Variants in CSMD1 observed in about 807,000 individuals in gnomAD.
CSMD1 encodes CUB and sushi domain-containing protein 1.
In CSMD1, 213 loss-of-function variants were observed where a neutral mutation model predicts 417.5. The ratio of observed to expected loss-of-function variants is 0.51; its 90% confidence interval spans 0.46 to 0.57. The LOEUF (loss-of-function observed/expected upper bound fraction) is 0.57. Among genes scored for constraint, CSMD1 ranks in the 20% least tolerant of loss-of-function variants. CSMD1 has a pLI of 0.00. For missense variants in CSMD1, 6,923 were observed against 4,529.7 expected (o/e 1.53, Z -15.17); for synonymous variants, 2,862 against 1,736.8 (o/e 1.65, Z -16.11).
intron 5 of CSMD1, among the ~76,000 whole-genome samples, chr8:3,941,920 G>C (rs866469558): frequency 1.8e-4 from 28 of 152,206 alleles, no homozygotes; most frequent in Middle Eastern, 3.4e-3. Flanking sequence ...AGCAGGAGGT[G>C]AGCAGTGGGC....
At chr8:3,576,853 T>C (rs1466467440) in intron 9 of CSMD1, among the ~76,000 whole-genome samples, 5 of 152,214 alleles carry the variant, frequency 3.3e-5, no homozygotes, top group African/African-American at 7.2e-5. Flanking sequence ...TTGAAAAAAG[T>C]GATAATAAAC....
rs142935482 is a variant in CSMD1, at chr8:4,266,140, T to C, written c.415+153813A>G. ...TGGAACTGACTTAAAACCACCTTTTTACTTCAGCTACTCATCTACCACCAA... is the reference window on the plus strand; with the variant it reads ...TGGAACTGACTTAAAACCACCTTTTCACTTCAGCTACTCATCTACCACCAA... On this transcript the variant is annotated intron_variant, in intron 3 of 69. Transcript: ENST00000635120. Among the ~76,000 whole-genome samples, 650 of 104,598 alleles carry C rather than the reference T, an allele frequency of 6.2e-3. 107 individuals carry two copies. Among genetic ancestry groups the C allele is most frequent in the African/African-American group, 0.016 (622 of 38,346 alleles). 68.6% of individuals were successfully genotyped at this position (104,598 alleles called of 152,430 possible). A position where few individuals can be genotyped will look rare whatever the true frequency, so the allele number is the denominator to read the frequency against.
chr8:4,819,455 T>C (rs1473234856), intron 1 of CSMD1, among the ~76,000 whole-genome samples: 1 of 152,164 alleles, frequency 6.6e-6, no homozygotes, highest in Non-Finnish European at 1.5e-5. Flanking sequence ...ATAGAAATAT[T>C]ATTGCCAAAT....
intron 12 of CSMD1, among the ~76,000 whole-genome samples, chr8:3,428,177 G>C (rs552678626): frequency 6.6e-6 from 1 of 152,202 alleles, no homozygotes; most frequent in East Asian, 1.9e-4. Context: ...CTATATGGTT[G>C]GGGACCTAAA....
intron 3 of CSMD1, among the ~76,000 whole-genome samples, chr8:4,268,958 T>A (rs989931427): frequency 6.6e-6 from 1 of 152,368 alleles, no homozygotes; most frequent in East Asian, 1.9e-4. Context: ...TTCTGCTGTA[T>A]CCTTTTATTT....
chr8:4,208,851 A>G (rs1248604969), intron 3 of CSMD1, among the ~76,000 whole-genome samples: 14 of 152,210 alleles, frequency 9.2e-5, no homozygotes, highest in Admixed American at 9.2e-4. Flanking sequence ...TTGAGGTAGC[A>G]ATAAGTATCC....
intron 3 of CSMD1, among the ~76,000 whole-genome samples, chr8:4,296,664 A>T (rs1382230506): frequency 6.9e-6 from 1 of 144,956 alleles, no homozygotes; most frequent in Non-Finnish European, 1.5e-5. Context: ...GGAGGTCCCT[A>T]GGCTTGGGTC....
chr8:3,722,498 G>A (rs1310222239), intron 6 of CSMD1, among the ~76,000 whole-genome samples: 1 of 152,144 alleles, frequency 6.6e-6, no homozygotes, highest in Admixed American at 6.5e-5. Flanking sequence ...CTCCTGAAAA[G>A]CAGGGTCTGT....
intron 49 of CSMD1, among the ~76,000 whole-genome samples, chr8:3,083,620 A>T (rs1165598292): frequency 4.2e-4 from 6 of 14,134 alleles, no homozygotes; most frequent in African/African-American, 1.8e-3. Flanking sequence ...TTATATATAT[A>T]TATATATATA....
chr8:4,344,444 C>G (rs1866272), intron 3 of CSMD1, among the ~76,000 whole-genome samples: 28,478 of 151,876 alleles, frequency 0.19, 2,948 homozygotes, highest in Non-Finnish European at 0.23. Flanking sequence ...AACTGAACTG[C>G]TCAAAGATGC....
At chr8:3,221,827 G>C (rs1217445963) in intron 28 of CSMD1, among the ~76,000 whole-genome samples, 1 of 152,082 alleles carries the variant, frequency 6.6e-6, no homozygotes, top group East Asian at 1.9e-4. Flanking sequence ...CCCTGAACGA[G>C]CCTGGGAGCC....
At chr8:3,825,077 T>A (rs1349996864) in intron 5 of CSMD1, among the ~76,000 whole-genome samples, 1 of 152,200 alleles carries the variant, frequency 6.6e-6, no homozygotes, top group African/African-American at 2.4e-5. Context: ...TCTAGGTATG[T>A]GTGCTTTATT....
In CSMD1 at chr8:3,893,362, T is replaced by TATATATATATATATATATATATA. The variant is rs1554476819; in HGVS notation, c.818+104540_818+104541insTATATATATATATATATATATAT. 4.7e-3 allele frequency among the ~76,000 whole-genome samples: 593 copies of TATATATATATATATATATATATA among 124,978 alleles called. 1 individual carries two copies. The highest frequency in any genetic ancestry group is 6.8e-3 in the South Asian group (26 of 3,816). The allele number at this position is 124,978 out of a possible 152,430, so 82.0% of individuals were successfully genotyped here. On this transcript the variant is annotated intron_variant, in intron 5 of 69. Transcript: ENST00000635120. ...TTTTATATATATATATATATATATATTATTTTTTTTCTTAGAGGGTCATCA... is the reference window on the plus strand; with the variant it reads ...TTTTATATATATATATATATATATATATATATATATATATATATATATATATTTTTTTTCTTAGAGGGTCATCA...
chr8:4,231,168 G>A (rs1202014223), intron 3 of CSMD1, among the ~76,000 whole-genome samples: 1 of 152,174 alleles, frequency 6.6e-6, no homozygotes, highest in Non-Finnish European at 1.5e-5. Context: ...ATAGTGAAAT[G>A]TTTAAAATAC....
At chr8:4,258,189 C>A (rs111467646) in intron 3 of CSMD1, among the ~76,000 whole-genome samples, 3,993 of 149,978 alleles carry the variant, frequency 0.027, 186 homozygotes, top group African/African-American at 0.092. Flanking sequence ...AAGCAATCTT[C>A]CTGGCTTGGC....
At chr8:3,773,253 G>C (rs1798714337) in intron 5 of CSMD1, among the ~76,000 whole-genome samples, 2 of 152,156 alleles carry the variant, frequency 1.3e-5, no homozygotes, top group South Asian at 2.1e-4. Context: ...TTGTGTTTTA[G>C]ATTCTCCATG....
chr8:3,958,564 C>T (rs554592076), intron 5 of CSMD1, among the ~76,000 whole-genome samples: 2 of 152,236 alleles, frequency 1.3e-5, no homozygotes, highest in Admixed American at 6.5e-5. Flanking sequence ...TATCAATTTA[C>T]TCATTTATCT....
intron 12 of CSMD1, among the ~76,000 whole-genome samples, chr8:3,429,530 G>C (rs1814078224): frequency 6.6e-6 from 1 of 152,122 alleles, no homozygotes; most frequent in Non-Finnish European, 1.5e-5. Flanking sequence ...ACACTTTGGG[G>C]GCTGTCAGGA....
rs561254356 is a variant in CSMD1, at chr8:3,370,236, A to G, written c.2783-866T>C. 6.6e-5 allele frequency among the ~76,000 whole-genome samples: 10 copies of G among 152,324 alleles called. No individual in the cohort carries two copies. In the South Asian group the frequency reaches 1.7e-3, roughly 25 times the overall value. ...CCCGCCAACTTTCTTCTTTTATTTC[A>G]TATCTTAAGACCTCTCAAGCTATCC... On this transcript the variant is annotated intron_variant, in intron 18 of 69. Transcript: ENST00000635120.
Sources: allele counts gnomAD v4.1 joint callset (sites outside exome capture counted in the v4.1 genomes callset), GRCh38; gene constraint gnomAD v4.1.1; transcripts MANE v1.5; gene names NCBI Gene and HGNC (gene_info 2026-07-23, HGNC 2026-07-21).